Variants in MBTD1 observed in about 807,000 individuals in gnomAD.
The protein encoded by MBTD1 is MBT domain-containing protein 1.
In MBTD1, 24 loss-of-function variants were observed where a neutral mutation model predicts 87.8. That is an observed-to-expected ratio of 0.27 (90% CI 0.20 to 0.38). MBTD1 has a LOEUF of 0.38. MBTD1 is among the 10% of genes least tolerant of loss of function. MBTD1 has a pLI of 1.00. For missense variants in MBTD1, 436 were observed against 760.2 expected, an observed-to-expected ratio of 0.57 and a Z score of 5.02; for synonymous variants, 237 against 248.6, an observed-to-expected ratio of 0.95 and a Z score of 0.44.
chr17:51,252,224 T>C (rs79758347), intron 2 of MBTD1, among the ~76,000 whole-genome samples: 2,145 of 152,286 alleles, frequency 0.014, 32 homozygotes, highest in Middle Eastern at 0.034. Flanking sequence ...GTGGCCCAAA[T>C]AGGCTAAGCA....
At chr17:51,239,244 T>C (rs1368861196) in intron 2 of MBTD1, among the ~76,000 whole-genome samples, 1 of 152,220 alleles carries the variant, frequency 6.6e-6, no homozygotes, top group Non-Finnish European at 1.5e-5. Flanking sequence ...AAATGTCTAT[T>C]TGTATCAACT....
intron 2 of MBTD1, among the ~76,000 whole-genome samples, chr17:51,248,167 T>G (rs933206102): frequency 6.6e-6 from 1 of 152,246 alleles, no homozygotes; most frequent in Non-Finnish European, 1.5e-5. Flanking sequence ...GACTCTTCCC[T>G]CAAGGGTCCA....
Position 51,202,711 on chromosome 17 carries a change from G to C in MBTD1, c.1053C>G (p.Phe351Leu), listed in dbSNP as rs1257899673. ...IGWSRSIGHR[F>L]KRSDITKKQD... ...GTGATAGGTGCTTACCAGATCTTTTGAATCGATGACCTATGCTTCGAGACC... is the reference window on the plus strand; with the variant it reads ...GTGATAGGTGCTTACCAGATCTTTTCAATCGATGACCTATGCTTCGAGACC... Residue 351 changes from phenylalanine to leucine, a missense_variant, in exon 10 of 17, where the codon TTC becomes TTG. Coordinates refer to ENST00000586178, the MANE Select transcript of MBTD1 (RefSeq NM_017643.3). 5.6e-6 allele frequency: 9 copies of C among 1,613,140 alleles called. No individual in the cohort carries two copies. Among genetic ancestry groups the C allele is most frequent in the Non-Finnish European group, 7.6e-6 (9 of 1,179,226 alleles).
At chr17:51,231,374 T>C (rs973634803) in intron 2 of MBTD1, among the ~76,000 whole-genome samples, 1 of 152,226 alleles carries the variant, frequency 6.6e-6, no homozygotes, top group Non-Finnish European at 1.5e-5. Context: ...TCAGGGAATA[T>C]AGCCTTAAAA....
At chr17:51,260,433 T>C, upstream of MBTD1, 1 of 822,882 alleles carries the variant, frequency 1.2e-6, no homozygotes. Flanking sequence ...GAGCGGGAGT[T>C]ACGTAGAGGG....
intron 16 of MBTD1, among the ~76,000 whole-genome samples, chr17:51,181,326 CAAG>C (rs2050305087): frequency 6.6e-6 from 1 of 151,786 alleles, no homozygotes. Context: ...TGCCCGGCCT[CAAG>C]GAGTACTTTT....
At chr17:51,215,021 A>G (rs2052485449) in intron 6 of MBTD1, among the ~76,000 whole-genome samples, 1 of 152,246 alleles carries the variant, frequency 6.6e-6, no homozygotes, top group Non-Finnish European at 1.5e-5. Context: ...AATGGCTTCA[A>G]ATGAATATGC....
chr17:51,213,766 G>A (rs1446037726), intron 6 of MBTD1, among the ~76,000 whole-genome samples: 1 of 152,128 alleles, frequency 6.6e-6, no homozygotes, highest in Admixed American at 6.5e-5. Flanking sequence ...AACTGCCAAC[G>A]ATGGGGTGTT....
intron 2 of MBTD1, among the ~76,000 whole-genome samples, chr17:51,230,413 T>C (rs558304930): frequency 2.6e-5 from 4 of 151,934 alleles, no homozygotes; most frequent in African/African-American, 7.3e-5. Flanking sequence ...GTGGGTCTCA[T>C]AGTAACCAAG....
At chr17:51,249,510 T>C (rs1352734292) in intron 2 of MBTD1, 1 of 152,236 alleles carries the variant, frequency 6.6e-6, no homozygotes, top group Non-Finnish European at 1.5e-5. Context: ...CTGTTCTCTT[T>C]TGTCTGATTT....
chr17:51,251,946 G>T (rs188372581), intron 2 of MBTD1, among the ~76,000 whole-genome samples: 176 of 152,200 alleles, frequency 1.2e-3, no homozygotes, highest in African/African-American at 3.9e-3. Flanking sequence ...TGTATTTTTG[G>T]TAGAGACAGG....
chr17:51,215,807 T>TG (rs904343880), intron 6 of MBTD1, among the ~76,000 whole-genome samples: 31 of 152,306 alleles, frequency 2.0e-4, no homozygotes, highest in African/African-American at 7.5e-4. Context: ...CAAATTAACC[T>TG]GCTTGACTTT....
At chr17:51,226,260 C>A (rs752672795) in intron 2 of MBTD1, among the ~76,000 whole-genome samples, 2 of 150,852 alleles carry the variant, frequency 1.3e-5, no homozygotes, top group Non-Finnish European at 1.5e-5. Context: ...TCCTATAATC[C>A]CAGCACTTTG....
Position 51,195,263 on chromosome 17 carries a change from G to T in MBTD1, c.1323C>A (p.Phe441Leu). ...TGTTAATTTCACAGAAACCGACAGG[G>T]AAAATAGAAGGAGAGGTTGCATGGT... is the stretch of plus-strand genomic sequence containing the variant. Reference protein sequence around the residue: ...FCYHATSPSIFPVGFCEINMI... With the variant: ...FCYHATSPSILPVGFCEINMI... The change falls in exon 13 of 17, where the codon TTC becomes TTA. Residue 441 changes from phenylalanine to leucine, a missense_variant. Coordinates refer to ENST00000586178, the MANE Select transcript of MBTD1 (RefSeq NM_017643.3). 9.9e-6 allele frequency: 16 copies of T among 1,613,400 alleles called. No homozygotes were observed. Among genetic ancestry groups the T allele is most frequent in the Non-Finnish European group, 1.4e-5 (16 of 1,179,670 alleles).
intron 2 of MBTD1, among the ~76,000 whole-genome samples, chr17:51,248,726 G>T (rs537411992): frequency 6.6e-6 from 1 of 152,014 alleles, no homozygotes; most frequent in Non-Finnish European, 1.5e-5. Context: ...AGTAATACTC[G>T]TCAATGTATC....
intron 15 of MBTD1, chr17:51,192,507 T>G: frequency 1.6e-6 from 1 of 640,436 alleles, no homozygotes; most frequent in Non-Finnish European, 2.6e-6. Flanking sequence ...ACTTTTAGTA[T>G]GTAATTTTTA....
intron 2 of MBTD1, among the ~76,000 whole-genome samples, chr17:51,255,312 A>G (rs1257762164): frequency 6.6e-6 from 1 of 152,166 alleles, no homozygotes; most frequent in Non-Finnish European, 1.5e-5. Flanking sequence ...AGTAAATTCA[A>G]CAGCTTATTC....
chr17:51,255,922 G>A (rs2055062739), intron 2 of MBTD1, among the ~76,000 whole-genome samples: 1 of 152,096 alleles, frequency 6.6e-6, no homozygotes, highest in African/African-American at 2.4e-5. Flanking sequence ...TTTATTGAAC[G>A]ATATATACAA....
chr17:51,196,468 C>T (rs1257390500), intron 12 of MBTD1, among the ~76,000 whole-genome samples: 1 of 151,962 alleles, frequency 6.6e-6, no homozygotes, highest in Non-Finnish European at 1.5e-5. Context: ...AGGTGACCCA[C>T]CCACCTTGGC....
Sources: gnomAD v4.1 joint callset for allele counts (sites outside exome capture counted in the v4.1 genomes callset) on GRCh38, gnomAD v4.1.1 for gene constraint, MANE v1.5 for transcripts, NCBI Gene and HGNC (gene_info 2026-07-23, HGNC 2026-07-21) for gene names.